Variants in PTGR1 observed in about 807,000 individuals in gnomAD.
PTGR1 encodes the protein prostaglandin reductase 1.
In PTGR1, 23 loss-of-function variants were observed where a neutral mutation model predicts 37.7. The ratio of observed to expected loss-of-function variants is 0.61; its 90% CI spans 0.44 to 0.86. The LOEUF is 0.86. PTGR1 is among the 40% of genes least tolerant of loss of function. The pLI, the probability that PTGR1 is intolerant of heterozygous loss-of-function variation, is 0.00. For missense variants in PTGR1, 351 were observed against 394.3 expected, an observed-to-expected ratio of 0.89 and a Z score of 0.93; for synonymous variants, 134 against 140.0, an observed-to-expected ratio of 0.96 and a Z score of 0.30.
downstream of PTGR1, among the ~76,000 whole-genome samples, chr9:111,560,171 C>T (rs1349933018): frequency 6.6e-6 from 1 of 151,782 alleles, no homozygotes; most frequent in Non-Finnish European, 1.5e-5. Context: ...CATGGCAATA[C>T]CCATCACTAC....
Position 111,570,133 on chromosome 9 carries a change from G to C in PTGR1, c.837C>G (p.Ala279=). 2 of 1,614,104 alleles carry C rather than the reference G, an allele frequency of 1.2e-6. No homozygotes were observed. The highest frequency in any genetic ancestry group is 2.7e-5 in the African/African-American group (2 of 75,028). ...GCAAGTCCTTCAGAGCTTTTTGGCG[G>C]GCATCTCCTTGCCAGCGGTAGACGA... ...AFVVYRWQGD[A]RQKALKDLLK... The change falls in exon 9 of 10, where the codon GCC becomes GCG. Residue 279 remains alanine, a synonymous_variant. Transcript: ENST00000407693.
At chr9:111,556,536 A>T (rs1295822635) in intron 9 of PTGR1, among the ~76,000 whole-genome samples, 1 of 152,216 alleles carries the variant, frequency 6.6e-6, no homozygotes, top group Admixed American at 6.5e-5. Flanking sequence ...ATTCTCTGAA[A>T]TCTAGGCAGA....
intron 4 of PTGR1, among the ~76,000 whole-genome samples, chr9:111,587,565 C>T (rs1474111942): frequency 6.6e-6 from 1 of 152,128 alleles, no homozygotes; most frequent in East Asian, 1.9e-4. Context: ...AGTTCTCCTG[C>T]CTCAGCCTCC....
At position 111,576,564 on chromosome 9, in the gene PTGR1, T is replaced by C. The variant is rs1057421379; in HGVS notation, c.652-1722A>G. The C allele has an allele frequency of 2.2e-5, 20 of 904,860 alleles. No homozygotes were observed. The Admixed American group carries it at 5.3e-4, about 24-fold the overall frequency. 56.1% of individuals were successfully genotyped at this position (904,860 alleles called of 1,614,324 possible). A position where few individuals can be genotyped will look rare whatever the true frequency, so the allele number is the denominator to read the frequency against. On this transcript the variant is annotated intron_variant, in intron 7 of 9. Coordinates refer to ENST00000407693, the MANE Select transcript of PTGR1 (RefSeq NM_001146108.2). Reference sequence around the variant, plus strand: ...GGGGTATTAGCTAGTGGAGTGGCCATAGGCAAGTTACTTAACACTTCTGAA... The same window carrying C: ...GGGGTATTAGCTAGTGGAGTGGCCACAGGCAAGTTACTTAACACTTCTGAA...
rs58142522 is a variant in PTGR1, at chr9:111,592,986, C to CAAAAAAAA, written c.153-12_153-5dup. ...CTTCAATCTTTTGGCTGCCACTCTGCAAAAAAAAAAAAAAAAAAAAAAAAA... is the reference window on the plus strand; with the variant it reads ...CTTCAATCTTTTGGCTGCCACTCTGCAAAAAAAAAAAAAAAAAAAAAAAAAAAAAAAAA... On this transcript the variant is annotated splice_polypyrimidine_tract_variant and splice_region_variant and intron_variant, in intron 3 of 9. Coordinates refer to ENST00000407693, the MANE Select transcript of PTGR1 (RefSeq NM_001146108.2). The CAAAAAAAA allele has an allele frequency of 7.4e-5, 71 of 961,332 alleles. No homozygotes were observed. The highest frequency in any genetic ancestry group is 2.3e-4 in the African/African-American group (7 of 29,994). 59.6% of individuals were successfully genotyped at this position (961,332 alleles called of 1,614,324 possible). A position where few individuals can be genotyped will look rare whatever the true frequency, so the allele number is the denominator to read the frequency against.
intron 7 of PTGR1, chr9:111,576,465 A>G: frequency 6.2e-7 from 1 of 1,612,798 alleles, no homozygotes; most frequent in Non-Finnish European, 8.5e-7. Context: ...TGACCAGAGG[A>G]TGGGGCCACT....
chr9:111,569,411 T>C (rs548959185), intron 9 of PTGR1, among the ~76,000 whole-genome samples: 1 of 152,298 alleles, frequency 6.6e-6, no homozygotes, highest in South Asian at 2.1e-4. Context: ...CTATGAAATA[T>C]TTCCCATAGC....
chr9:111,554,528 T>C (rs963598975), intron 9 of PTGR1, among the ~76,000 whole-genome samples: 2 of 152,162 alleles, frequency 1.3e-5, no homozygotes, highest in African/African-American at 4.8e-5. Flanking sequence ...AGTGGATGCC[T>C]GCAACCTCAG....
chr9:111,573,426 C>A (rs1305645799), intron 8 of PTGR1, among the ~76,000 whole-genome samples: 1 of 152,200 alleles, frequency 6.6e-6, no homozygotes, highest in Non-Finnish European at 1.5e-5. Flanking sequence ...CATCTCCATA[C>A]AGTTGTGTGG....
intron 8 of PTGR1, 65 bp from the exon 9 acceptor site, chr9:111,570,274 T>C: frequency 6.5e-7 from 1 of 1,546,804 alleles, no homozygotes; most frequent in Middle Eastern, 2.3e-4. Context: ...AAACAAGCAG[T>C]ACAGGTCACT....
intron 9 of PTGR1, among the ~76,000 whole-genome samples, chr9:111,556,023 T>C (rs1828111630): frequency 6.6e-6 from 1 of 152,192 alleles, no homozygotes; most frequent in South Asian, 2.1e-4. Context: ...GCCTGTAAAA[T>C]CACAAGTCAA....
At chr9:111,559,822 G>C (rs967199872), downstream of PTGR1, among the ~76,000 whole-genome samples, 8 of 152,162 alleles carry the variant, frequency 5.3e-5, no homozygotes, top group African/African-American at 1.9e-4. Context: ...GGTAAGAAAA[G>C]AGGACACGGG....
intron 9 of PTGR1, among the ~76,000 whole-genome samples, chr9:111,552,943 A>G (rs1828012453): frequency 6.6e-6 from 1 of 152,150 alleles, no homozygotes; most frequent in African/African-American, 2.4e-5. Flanking sequence ...TAAAGTGATA[A>G]TTTCTTCATC....
intron 6 of PTGR1, among the ~76,000 whole-genome samples, chr9:111,582,106 A>G (rs1829299202): frequency 6.6e-6 from 1 of 152,198 alleles, no homozygotes; most frequent in Admixed American, 6.5e-5. Context: ...TATCACAGAA[A>G]GAAATAACCA....
At chr9:111,560,084 G>A (rs1828230149), downstream of PTGR1, among the ~76,000 whole-genome samples, 1 of 150,284 alleles carries the variant, frequency 6.7e-6, no homozygotes, top group Non-Finnish European at 1.5e-5. Context: ...GCCTCCCAAA[G>A]TGCCTCATCC....
At chr9:111,558,991 C>T (rs1828199691), downstream of PTGR1, among the ~76,000 whole-genome samples, 1 of 152,168 alleles carries the variant, frequency 6.6e-6, no homozygotes, top group East Asian at 1.9e-4. Flanking sequence ...CTCTCAAGCT[C>T]TGACATCCTG....
intron 4 of PTGR1, among the ~76,000 whole-genome samples, chr9:111,591,249 A>T (rs1335408252): frequency 1.3e-5 from 2 of 151,740 alleles, no homozygotes; most frequent in East Asian, 3.9e-4. Context: ...GTGAGCCAAG[A>T]TTACGCCATT....
chr9:111,555,513 A>C (rs1385134795), intron 9 of PTGR1, among the ~76,000 whole-genome samples: 1 of 152,170 alleles, frequency 6.6e-6, no homozygotes, highest in East Asian at 1.9e-4. Flanking sequence ...GCTATAAGGA[A>C]CTACCTGAGA....
At chr9:111,550,707 TA>T (rs1827915856) in intron 9 of PTGR1, among the ~76,000 whole-genome samples, 1 of 152,252 alleles carries the variant, frequency 6.6e-6, no homozygotes. Context: ...TCTTCAACTT[TA>T]TCTTCCAGCT....
Sources: allele counts gnomAD v4.1 joint callset (sites outside exome capture counted in the v4.1 genomes callset), GRCh38; gene constraint gnomAD v4.1.1; transcripts MANE v1.5; gene names NCBI Gene and HGNC (gene_info 2026-07-23, HGNC 2026-07-21).